The following MEGF10 variants were observed in gnomAD, a reference collection of about 807,000 sequenced individuals.
The protein encoded by MEGF10 is multiple epidermal growth factor-like domains protein 10.
Under a neutral mutation model 147.5 loss-of-function variants are expected in MEGF10, and 86 were observed. The ratio of observed to expected loss-of-function variants is 0.58; its 90% CI spans 0.49 to 0.70. The LOEUF (loss-of-function observed/expected upper bound fraction) is 0.70, where lower values mean the gene tolerates loss of function less well. Among genes scored for constraint, MEGF10 ranks in the 30% least tolerant of loss-of-function variants. MEGF10 has a pLI of 0.00. For synonymous variants in MEGF10, 478 were observed against 525.5 expected (o/e 0.91, Z 1.24); for missense variants, 1,329 against 1,487.3 (o/e 0.89, Z 1.75).
Position 127,340,612 on chromosome 5 carries a change from A to G in MEGF10, c.301A>G (p.Ser101Gly). The change falls in exon 4 of 25, where the codon AGC becomes GGC. Residue 101 changes from serine to glycine, a missense_variant. By Grantham distance (56) the Ser-to-Gly change is moderately conservative (BLOSUM62 0). Around this residue, in one of 3 missense-constraint regions of MEGF10, gnomAD observed 980 missense variants for 1,085.9 expected, o/e 0.90. Transcript: ENST00000503335. ...KSQCCPGFYE[S>G]GEMCVPHCAD... ...TCAGTGTTGTCCTGGATTTTATGAAAGCGGGGAAATGTGTGTCCGTAAGTA... is the reference window on the plus strand; with the variant it reads ...TCAGTGTTGTCCTGGATTTTATGAAGGCGGGGAAATGTGTGTCCGTAAGTA... The G allele has an allele frequency of 1.9e-6, 3 of 1,612,772 alleles. No homozygotes were observed. The highest frequency in any genetic ancestry group is 2.5e-6 in the Non-Finnish European group (3 of 1,179,022).
intron 1 of MEGF10, among the ~76,000 whole-genome samples, chr5:127,312,022 A>T (rs1760309535): frequency 1.3e-5 from 2 of 152,154 alleles, no homozygotes. Flanking sequence ...GCATCCCATC[A>T]CAACTCCTAA....
rs566210347 is a variant in MEGF10, at chr5:127,384,440, T to A, written c.413-12092T>A. ...AGTGAATGAATGTAATCCTCCCAAA[T>A]TATGTAACTTTAGCCTACAAGTTAT... On this transcript the variant is annotated intron_variant, in intron 5 of 24. Transcript: ENST00000503335. 3.9e-5 allele frequency among the ~76,000 whole-genome samples: 6 copies of A among 152,338 alleles called. No individual in the cohort carries two copies. In the East Asian group the frequency reaches 1.2e-3, roughly 29 times the overall value.
At chr5:127,277,524 A>G in the MEGF10 span, among the ~76,000 whole-genome samples, 1 of 152,222 alleles carries the variant, frequency 6.6e-6, no homozygotes, top group Non-Finnish European at 1.5e-5. Flanking sequence ...CTTGAAACAG[A>G]GGCACTGTGA....
rs1186567259 is a variant in MEGF10, at chr5:127,458,185, T to A, written c.*867T>A. On this transcript the variant is annotated 3_prime_UTR_variant, in exon 25 of 25. Transcript: ENST00000503335. ...TTTATTTTTGACAGACTGGATGGAATGAGTGTGTAATGATTGATAAAGGTT... is the reference window on the plus strand; with the variant it reads ...TTTATTTTTGACAGACTGGATGGAAAGAGTGTGTAATGATTGATAAAGGTT... 1 of 152,220 alleles carries A rather than the reference T, an allele frequency of 6.6e-6. No homozygotes were observed. Among genetic ancestry groups the A allele is most frequent in the East Asian group, 1.9e-4 (1 of 5,202 alleles). 9.4% of individuals were successfully genotyped at this position (152,220 alleles called of 1,614,324 possible). A position where few individuals can be genotyped will look rare whatever the true frequency, so the allele number is the denominator to read the frequency against.
At chr5:127,308,182 C>T (rs1007341323) in intron 1 of MEGF10, among the ~76,000 whole-genome samples, 1 of 152,168 alleles carries the variant, frequency 6.6e-6, no homozygotes, top group African/African-American at 2.4e-5. Context: ...ATCTTAACTT[C>T]ATTAGCAATT....
the MEGF10 span, among the ~76,000 whole-genome samples, chr5:127,239,473 TA>T: frequency 1.4e-5 from 2 of 142,736 alleles, no homozygotes; most frequent in South Asian, 4.4e-4. Context: ...TATATATATA[TA>T]TAATATATAT....
intron 1 of MEGF10, among the ~76,000 whole-genome samples, chr5:127,318,779 A>G (rs1235101180): frequency 2.0e-5 from 3 of 152,202 alleles, no homozygotes; most frequent in Non-Finnish European, 2.9e-5. Flanking sequence ...TTGTAAAACT[A>G]TGTATGCCCA....
At chr5:127,371,959 C>T (rs568187285) in intron 5 of MEGF10, among the ~76,000 whole-genome samples, 1 of 152,214 alleles carries the variant, frequency 6.6e-6, no homozygotes, top group South Asian at 2.1e-4. Context: ...GGTAAAAAAA[C>T]GATATTCTGA....
the MEGF10 span, among the ~76,000 whole-genome samples, chr5:127,253,833 AG>A: frequency 6.6e-6 from 1 of 152,098 alleles, no homozygotes; most frequent in Non-Finnish European, 1.5e-5. Flanking sequence ...GAAAATACTC[AG>A]AATTAGAAAG....
At chr5:127,292,783 A>AT (rs1561551946) in intron 1 of MEGF10, among the ~76,000 whole-genome samples, 1 of 152,026 alleles carries the variant, frequency 6.6e-6, no homozygotes. Flanking sequence ...TCTTTAACCT[A>AT]TTTTTTAGAG....
At chr5:127,412,283 C>T (rs541123744) in intron 9 of MEGF10, among the ~76,000 whole-genome samples, 26 of 152,182 alleles carry the variant, frequency 1.7e-4, no homozygotes, top group Admixed American at 7.9e-4. Flanking sequence ...TTAGCTTTTA[C>T]GAATTTCTAT....
chr5:127,342,602 G>A (rs898179676), intron 4 of MEGF10, among the ~76,000 whole-genome samples: 1 of 152,070 alleles, frequency 6.6e-6, no homozygotes, highest in South Asian at 2.1e-4. Flanking sequence ...GGCATCAGCC[G>A]CATAATTCAA....
In MEGF10 at chr5:127,310,035, CTTCTTTCTTTAT is replaced by C. The variant is rs1337831116; in HGVS notation, c.-19+18990_-19+19001del. Among the ~76,000 whole-genome samples, 18 of 22,898 alleles carry C rather than the reference CTTCTTTCTTTAT, an allele frequency of 7.9e-4. 6 individuals are homozygous for C. The highest frequency in any genetic ancestry group is 2.3e-3 in the Non-Finnish European group (18 of 7,774). 15.0% of individuals were successfully genotyped at this position (22,898 alleles called of 152,430 possible). A position where few individuals can be genotyped will look rare whatever the true frequency, so the allele number is the denominator to read the frequency against. On this transcript the variant is annotated intron_variant, in intron 1 of 24. Coordinates refer to ENST00000503335, the MANE Select transcript of MEGF10 (RefSeq NM_001256545.2). The stretch of plus-strand genomic sequence containing the variant: ...CTTTCTTTTTTTCTTTCTTTCTTTC[CTTCTTTCTTTAT>C]TTCTTTCTTTCTTTCTTTCTCTCTT...
At chr5:127,341,612 T>G (rs1457164453) in intron 4 of MEGF10, among the ~76,000 whole-genome samples, 1 of 152,176 alleles carries the variant, frequency 6.6e-6, no homozygotes, top group East Asian at 1.9e-4. Context: ...TGGATTCTAT[T>G]CTGTATGCAG....
chr5:127,457,231 C>A lies in MEGF10; in HGVS notation c.3336C>A (p.Asp1112Glu), dbSNP rs773383852. 1 of 1,614,158 alleles carries A rather than the reference C, an allele frequency of 6.2e-7. No homozygotes were observed. Among genetic ancestry groups the A allele is most frequent in the Non-Finnish European group, 8.5e-7 (1 of 1,180,022 alleles). The change falls in exon 25 of 25, where the codon GAC becomes GAA. Residue 1112 changes from aspartate (D) to glutamate (E), a missense_variant. Coordinates refer to ENST00000503335, the MANE Select transcript of MEGF10 (RefSeq NM_001256545.2). ...ACAGTCACATCCCTTGTCATTATGA[C>A]CTGCTGCCAGTCCGAGACAGTTCAT... is the stretch of plus-strand genomic sequence containing the variant. ...PKNSHIPCHY[D>E]LLPVRDSSSS...
At chr5:127,251,390 T>G in the MEGF10 span, among the ~76,000 whole-genome samples, 9 of 152,038 alleles carry the variant, frequency 5.9e-5, no homozygotes, top group African/African-American at 2.2e-4. Flanking sequence ...GGTTTCCTTA[T>G]GCGTAAAAGA....
intron 1 of MEGF10, among the ~76,000 whole-genome samples, chr5:127,324,830 A>G (rs2546801): frequency 0.043 from 6,518 of 152,242 alleles, 203 homozygotes; most frequent in Non-Finnish European, 0.063. Context: ...ACTTCTCACA[A>G]TCTGTTATAA....
At chr5:127,246,621 G>A in the MEGF10 span, among the ~76,000 whole-genome samples, 3 of 150,742 alleles carry the variant, frequency 2.0e-5, no homozygotes, top group South Asian at 4.2e-4. Context: ...AAAATGGTGA[G>A]CAATGAAAAC....
At chr5:127,413,147 T>C (rs961786013) in intron 9 of MEGF10, among the ~76,000 whole-genome samples, 1 of 152,218 alleles carries the variant, frequency 6.6e-6, no homozygotes, top group African/African-American at 2.4e-5. Flanking sequence ...CAATCTATCA[T>C]GGAGCTGAAA....
Sources: gnomAD v4.1 joint callset for allele counts (sites outside exome capture counted in the v4.1 genomes callset) on GRCh38, gnomAD v4.1.1 for gene constraint, gnomAD v4.1.1 regional missense constraint, MANE v1.5 for transcripts, NCBI Gene and HGNC (gene_info 2026-07-23, HGNC 2026-07-21) for gene names.